The following XPR1 variants were observed in gnomAD, a reference collection of about 807,000 sequenced individuals.
XPR1 encodes xenotropic and polytropic retrovirus receptor 1.
In XPR1, 28 loss-of-function variants were observed where a neutral mutation model predicts 87.5. The observed-to-expected ratio is 0.32, with a 90% CI of 0.24 to 0.44. XPR1 has a LOEUF of 0.44. XPR1 is among the 20% of genes least tolerant of loss of function. XPR1 has a pLI of 1.00. For synonymous variants in XPR1, 300 were observed against 306.1 expected, an observed-to-expected ratio of 0.98 and a Z score of 0.21; for missense variants, 559 against 862.3, an observed-to-expected ratio of 0.65 and a Z score of 4.41.
At chr1:180,657,175 T>C (rs970521374) in intron 1 of XPR1, among the ~76,000 whole-genome samples, 6 of 152,192 alleles carry the variant, frequency 3.9e-5, no homozygotes, top group Non-Finnish European at 8.8e-5. Context: ...GGTCCATTTC[T>C]TAATTGGATT....
intron 14 of XPR1, among the ~76,000 whole-genome samples, chr1:180,881,268 A>G (rs986364829): frequency 1.3e-5 from 2 of 151,920 alleles, no homozygotes; most frequent in Non-Finnish European, 2.9e-5. Context: ...GGTTCACGCC[A>G]TTCTCCTGCC....
At chr1:180,799,041 G>A (rs1167822849) in intron 3 of XPR1, among the ~76,000 whole-genome samples, 1 of 152,116 alleles carries the variant, frequency 6.6e-6, no homozygotes, top group Non-Finnish European at 1.5e-5. Context: ...TTGGTAATCA[G>A]GATCAGTCAA....
intron 4 of XPR1, among the ~76,000 whole-genome samples, chr1:180,804,354 G>A (rs1183983532): frequency 6.6e-6 from 1 of 152,210 alleles, no homozygotes; most frequent in African/African-American, 2.4e-5. Context: ...TTCTGCAGCT[G>A]ACACTAATAA....
At chr1:180,818,397 A>T (rs1253144691) in intron 7 of XPR1, among the ~76,000 whole-genome samples, 1 of 151,564 alleles carries the variant, frequency 6.6e-6, no homozygotes, top group East Asian at 1.9e-4. Context: ...TTAAGTGTGC[A>T]GGCTTTGGAG....
chr1:180,722,701 A>C (rs1658215523), intron 2 of XPR1, among the ~76,000 whole-genome samples: 1 of 152,192 alleles, frequency 6.6e-6, no homozygotes, highest in East Asian at 1.9e-4. Flanking sequence ...CTGGTCTTAA[A>C]ATAGAGTTCA....
intron 2 of XPR1, among the ~76,000 whole-genome samples, chr1:180,732,229 T>G (rs1658581293): frequency 6.6e-6 from 1 of 151,928 alleles, no homozygotes; most frequent in South Asian, 2.1e-4. Context: ...ATAAAATGCT[T>G]TCTGAAGTAA....
chr1:180,660,066 T>C (rs2101917423), intron 1 of XPR1, among the ~76,000 whole-genome samples: 2 of 152,220 alleles, frequency 1.3e-5, no homozygotes, highest in South Asian at 4.1e-4. Context: ...TCTGTTCAGG[T>C]TTTGAATTTT....
chr1:180,717,437 G>A (rs777706245), intron 2 of XPR1, among the ~76,000 whole-genome samples: 1 of 152,122 alleles, frequency 6.6e-6, no homozygotes. Flanking sequence ...TAGTTAGGAG[G>A]ATTTGGAGCT....
intron 2 of XPR1, among the ~76,000 whole-genome samples, chr1:180,709,466 A>G (rs1334552966): frequency 6.6e-6 from 1 of 151,518 alleles, no homozygotes; most frequent in Non-Finnish European, 1.5e-5. Context: ...ATCTCACTCT[A>G]TCCCTTCTCA....
At chr1:180,759,114 G>A (rs901184005) in intron 2 of XPR1, among the ~76,000 whole-genome samples, 7 of 152,160 alleles carry the variant, frequency 4.6e-5, no homozygotes, top group Non-Finnish European at 8.8e-5. Context: ...CACATTCAAA[G>A]CAGTGTGTAG....
chr1:180,711,584 G>A (rs1373534984), intron 2 of XPR1, among the ~76,000 whole-genome samples: 3 of 152,074 alleles, frequency 2.0e-5, no homozygotes, highest in South Asian at 2.1e-4. Context: ...GCTTGGGCTC[G>A]GCGTCAGAGG....
rs1392788774 is a variant in XPR1 at position 180,728,306 on chromosome 1, G to GC, written c.121+45895_121+45896insC. ...AGGAGTTGTTTATAACTGGGGGGGG[G>GC]GGTAGTAATGAAAACTATGTTGATG... On this transcript the variant is annotated intron_variant, in intron 2 of 14. Coordinates refer to ENST00000367590, the MANE Select transcript of XPR1 (RefSeq NM_004736.4). Among the ~76,000 whole-genome samples, 674 of 142,944 alleles carry GC rather than the reference G, an allele frequency of 4.7e-3. 11 individuals carry two copies. The highest frequency in any genetic ancestry group is 0.017 in the African/African-American group (648 of 39,148). 93.8% of individuals were successfully genotyped at this position (142,944 alleles called of 152,430 possible).
intron 10 of XPR1, 29 bp from the exon 11 acceptor site, chr1:180,836,493 G>T (rs773843822): frequency 5.2e-5 from 84 of 1,610,916 alleles, no homozygotes; most frequent in Non-Finnish European, 6.4e-5. Context: ...TTTTTCAATG[G>T]TAATTTTTCT....
chr1:180,877,824 A>G (rs1159769557), intron 13 of XPR1, among the ~76,000 whole-genome samples: 1 of 152,232 alleles, frequency 6.6e-6, no homozygotes, highest in Non-Finnish European at 1.5e-5. Flanking sequence ...ATTAAAATGA[A>G]ATCTTTAATG....
chr1:180,732,499 G>T (rs922495577), intron 2 of XPR1, among the ~76,000 whole-genome samples: 1 of 152,144 alleles, frequency 6.6e-6, no homozygotes, highest in African/African-American at 2.4e-5. Context: ...AACTATTGAT[G>T]TGTGATTTTT....
intron 11 of XPR1, among the ~76,000 whole-genome samples, chr1:180,837,252 A>G (rs1475933425): frequency 6.6e-6 from 1 of 152,214 alleles, no homozygotes; most frequent in African/African-American, 2.4e-5. Flanking sequence ...GTTCTGAGCC[A>G]CATGCAGCCA....
At chr1:180,731,248 T>G (rs1658547864) in intron 2 of XPR1, among the ~76,000 whole-genome samples, 1 of 152,030 alleles carries the variant, frequency 6.6e-6, no homozygotes, top group Non-Finnish European at 1.5e-5. Context: ...ACACCAGAGG[T>G]TTGGTCTAGG....
chr1:180,668,908 G>A (rs1656059440), intron 1 of XPR1, among the ~76,000 whole-genome samples: 1 of 152,024 alleles, frequency 6.6e-6, no homozygotes, highest in Non-Finnish European at 1.5e-5. Flanking sequence ...TGGCCAACAT[G>A]GTGAAATCCC....
At chr1:180,768,303 G>A (rs1648369826) in intron 2 of XPR1, among the ~76,000 whole-genome samples, 1 of 151,742 alleles carries the variant, frequency 6.6e-6, no homozygotes, top group Non-Finnish European at 1.5e-5. Flanking sequence ...AGGAGGATTT[G>A]CTTCATTCAT....
Sources: allele counts gnomAD v4.1 joint callset (sites outside exome capture counted in the v4.1 genomes callset), GRCh38; gene constraint gnomAD v4.1.1; transcripts MANE v1.5; gene names NCBI Gene and HGNC (gene_info 2026-07-23, HGNC 2026-07-21).